The following CLSTN2 variants were observed in gnomAD, a reference collection of about 807,000 sequenced individuals.
CLSTN2 encodes the protein calsyntenin 2, also known as calsyntenin-2.
A neutral mutation model predicts 101.2 loss-of-function variants in CLSTN2; 48 were observed. That is an observed-to-expected ratio of 0.47 (90% CI 0.38 to 0.60). CLSTN2 has a LOEUF of 0.60. Among genes scored for constraint, CLSTN2 ranks in the 20% least tolerant of loss-of-function variants. CLSTN2 has a pLI of 0.00. For synonymous variants in CLSTN2, 481 were observed against 463.6 expected, an observed-to-expected ratio of 1.04 and a Z score of -0.48; for missense variants, 1,160 against 1,238.2, an observed-to-expected ratio of 0.94 and a Z score of 0.95.
In CLSTN2 at chr3:140,356,382, GA is replaced by G. The variant is rs1415840993; in HGVS notation, c.233-47246del. On this transcript the variant is annotated intron_variant, in intron 2 of 16. Coordinates refer to ENST00000458420, the MANE Select transcript of CLSTN2 (RefSeq NM_022131.3). ...GATATCTTTGCACCAAAACTTCTAT[GA>G]CTGACAAAACTCTCTGTGAGGCAAG... Among the ~76,000 whole-genome samples the G allele has an allele frequency of 2.0e-5, 3 of 152,128 alleles. No individual in the cohort carries two copies. In the East Asian group the frequency reaches 5.8e-4, roughly 29 times the overall value.
chr3:140,319,504 G>T (rs1292994752), intron 2 of CLSTN2, among the ~76,000 whole-genome samples: 3 of 152,224 alleles, frequency 2.0e-5, no homozygotes, highest in Non-Finnish European at 4.4e-5. Flanking sequence ...GAGTGACAGT[G>T]AGCAAAAGAA....
At chr3:140,431,681 T>C (rs1321102092) in intron 5 of CLSTN2, among the ~76,000 whole-genome samples, 3 of 152,172 alleles carry the variant, frequency 2.0e-5, no homozygotes, top group Non-Finnish European at 4.4e-5. Context: ...CCTAAGCATA[T>C]GCCCTGAACC....
chr3:140,228,826 T>C (rs887968518), intron 2 of CLSTN2, among the ~76,000 whole-genome samples: 10 of 152,122 alleles, frequency 6.6e-5, no homozygotes, highest in Non-Finnish European at 1.5e-4. Flanking sequence ...TCATTAACTA[T>C]CATGAGAACA....
intron 2 of CLSTN2, among the ~76,000 whole-genome samples, chr3:140,281,520 A>G (rs1193364235): frequency 6.6e-6 from 1 of 152,202 alleles, no homozygotes; most frequent in African/African-American, 2.4e-5. Flanking sequence ...CTTTTAATCC[A>G]GAAACACGTA....
At chr3:140,469,390 C>T (rs962910791) in intron 8 of CLSTN2, among the ~76,000 whole-genome samples, 5 of 152,176 alleles carry the variant, frequency 3.3e-5, no homozygotes, top group Admixed American at 3.3e-4. Context: ...TGCTAGCAAT[C>T]CAGTGGTATA....
intron 2 of CLSTN2, among the ~76,000 whole-genome samples, chr3:140,176,979 G>C (rs149348918): frequency 7.2e-4 from 109 of 152,318 alleles, no homozygotes; most frequent in African/African-American, 2.5e-3. Context: ...GCAGAGAAAA[G>C]GGGGTTCTTT....
chr3:140,247,726 A>C (rs1268621918), intron 2 of CLSTN2, among the ~76,000 whole-genome samples: 1 of 152,152 alleles, frequency 6.6e-6, no homozygotes, highest in African/African-American at 2.4e-5. Context: ...GCTCATCAAC[A>C]GTAAAGACAC....
At chr3:140,041,899 G>A (rs2007767902) in intron 1 of CLSTN2, among the ~76,000 whole-genome samples, 1 of 152,196 alleles carries the variant, frequency 6.6e-6, no homozygotes, top group Non-Finnish European at 1.5e-5. Context: ...GGAAGAGGGG[G>A]CTGAGCTGTT....
intron 8 of CLSTN2, among the ~76,000 whole-genome samples, chr3:140,524,404 C>T (rs893507133): frequency 1.3e-5 from 2 of 152,128 alleles, no homozygotes; most frequent in East Asian, 1.9e-4. Flanking sequence ...ATGTGGAAGC[C>T]CACAGTGGTG....
At chr3:140,043,195 G>A (rs1204098286) in intron 1 of CLSTN2, among the ~76,000 whole-genome samples, 2 of 152,208 alleles carry the variant, frequency 1.3e-5, no homozygotes, top group African/African-American at 4.8e-5. Context: ...GTTGTTTCCT[G>A]ACTTTTTAAT....
intron 8 of CLSTN2, among the ~76,000 whole-genome samples, chr3:140,483,708 T>G (rs1336866093): frequency 6.6e-6 from 1 of 152,156 alleles, no homozygotes; most frequent in Non-Finnish European, 1.5e-5. Context: ...TGGCCTTCTT[T>G]GTCTCTTTTG....
chr3:140,271,055 G>C (rs559715770), intron 2 of CLSTN2, among the ~76,000 whole-genome samples: 3 of 152,236 alleles, frequency 2.0e-5, no homozygotes, highest in African/African-American at 7.2e-5. Flanking sequence ...GCGTCTCTGG[G>C]TGATTTCCTT....
At chr3:140,479,872 C>T (rs888846431) in intron 8 of CLSTN2, among the ~76,000 whole-genome samples, 1 of 152,084 alleles carries the variant, frequency 6.6e-6, no homozygotes, top group Non-Finnish European at 1.5e-5. Flanking sequence ...CAGCAAGCCC[C>T]AAGCCGAATA....
In CLSTN2 at chr3:140,570,983, G is replaced by A. The variant is rs1238851339; in HGVS notation, c.*4730G>A. The stretch of plus-strand genomic sequence containing the variant: ...CCATGTTCCGGGGGAAAACAAAAAA[G>A]AAACAAACAAAACACTTGTTATTTG... On this transcript the variant is annotated 3_prime_UTR_variant, in exon 17 of 17. Coordinates refer to ENST00000458420, the MANE Select transcript of CLSTN2 (RefSeq NM_022131.3). The A allele has an allele frequency of 3.3e-5, 5 of 152,174 alleles. No homozygotes were observed. Among genetic ancestry groups the A allele is most frequent in the African/African-American group, 9.6e-5 (4 of 41,458 alleles). The allele number at this position is 152,174 out of a possible 1,614,324, so 9.4% of individuals were successfully genotyped here.
chr3:140,477,029 A>G (rs1386608107), intron 8 of CLSTN2, among the ~76,000 whole-genome samples: 1 of 152,168 alleles, frequency 6.6e-6, no homozygotes, highest in Non-Finnish European at 1.5e-5. Context: ...TGTTCATTCC[A>G]TAAGACAAAA....
intron 1 of CLSTN2, among the ~76,000 whole-genome samples, chr3:139,987,410 T>G (rs987090999): frequency 6.6e-6 from 1 of 152,192 alleles, no homozygotes; most frequent in African/African-American, 2.4e-5. Context: ...AAAAACTAGA[T>G]GGCAAACAGA....
chr3:140,325,192 C>A (rs1220300103), intron 2 of CLSTN2, among the ~76,000 whole-genome samples: 2 of 152,174 alleles, frequency 1.3e-5, no homozygotes, highest in Admixed American at 1.3e-4. Context: ...GCCACTGCAC[C>A]TGGACAGAGA....
At chr3:140,363,876 A>T (rs2087756194) in intron 2 of CLSTN2, among the ~76,000 whole-genome samples, 1 of 152,218 alleles carries the variant, frequency 6.6e-6, no homozygotes, top group Non-Finnish European at 1.5e-5. Flanking sequence ...GCAATGGCCA[A>T]CTTAGAGAAA....
intron 1 of CLSTN2, among the ~76,000 whole-genome samples, chr3:139,961,934 G>C (rs970275057): frequency 1.3e-5 from 2 of 151,828 alleles, no homozygotes. Flanking sequence ...CTTAACACTA[G>C]CACATAAGTA....
Sources: gnomAD v4.1 joint callset for allele counts (sites outside exome capture counted in the v4.1 genomes callset) on GRCh38, gnomAD v4.1.1 for gene constraint, MANE v1.5 for transcripts, NCBI Gene and HGNC (gene_info 2026-07-23, HGNC 2026-07-21) for gene names.